The following CTNNA2 variants were observed in gnomAD, a reference collection of about 807,000 sequenced individuals.
The protein encoded by CTNNA2 is catenin alpha-2.
Under a neutral mutation model 101.0 loss-of-function variants are expected in CTNNA2, and 42 were observed. That is an observed-to-expected ratio of 0.42 (90% CI 0.32 to 0.54). The LOEUF (loss-of-function observed/expected upper bound fraction) is 0.54, where lower values mean the gene tolerates loss of function less well. CTNNA2 is among the 20% of genes least tolerant of loss of function. The pLI, the probability that CTNNA2 is intolerant of heterozygous loss-of-function variation, is 0.14. For missense variants in CTNNA2, 871 were observed against 1,223.1 expected (o/e 0.71, Z 4.29); for synonymous variants, 450 against 456.4 (o/e 0.99, Z 0.18).
At chr2:79,966,429 T>A (rs1690065688) in intron 7 of CTNNA2, among the ~76,000 whole-genome samples, 1 of 152,102 alleles carries the variant, frequency 6.6e-6, no homozygotes, top group Admixed American at 6.5e-5. Flanking sequence ...AGAGATAAAG[T>A]CTTTCTATGT....
chr2:79,801,911 G>T (rs2105300718), intron 3 of CTNNA2, among the ~76,000 whole-genome samples: 1 of 144,760 alleles, frequency 6.9e-6, no homozygotes, highest in Admixed American at 7.2e-5. Flanking sequence ...AGAATCGCTT[G>T]AACCCGGGAG....
At chr2:80,181,140 T>C (rs1705751564) in intron 7 of CTNNA2, among the ~76,000 whole-genome samples, 1 of 152,166 alleles carries the variant, frequency 6.6e-6, no homozygotes, top group East Asian at 1.9e-4. Flanking sequence ...TTGCCAGGAC[T>C]TTAGTTATAG....
At chr2:79,187,071 T>G (rs1379914446) in intron 1 of CTNNA2, among the ~76,000 whole-genome samples, 2 of 152,178 alleles carry the variant, frequency 1.3e-5, no homozygotes, top group East Asian at 3.9e-4. Flanking sequence ...AGCTGATTAT[T>G]GAAAATAATG....
chr2:79,780,631 C>G (rs2136967), intron 3 of CTNNA2, among the ~76,000 whole-genome samples: 10,312 of 152,228 alleles, frequency 0.068, 624 homozygotes, highest in South Asian at 0.2. Flanking sequence ...TGCCCGATCT[C>G]CTCTAATCCC....
intron 1 of CTNNA2, among the ~76,000 whole-genome samples, chr2:79,187,260 CT>C (rs1318902739): frequency 1.0e-5 from 1 of 99,902 alleles, no homozygotes; most frequent in Non-Finnish European, 1.9e-5. Flanking sequence ...CTTTTCTTTT[CT>C]TTTCTTTTCT....
At chr2:79,446,975 C>T (rs1284424467) in intron 4 of CTNNA2, among the ~76,000 whole-genome samples, 4 of 151,658 alleles carry the variant, frequency 2.6e-5, no homozygotes, top group African/African-American at 9.7e-5. Context: ...TCTTTTGTCT[C>T]TGTAATGGCT....
At chr2:80,278,181 G>A (rs1030457691) in intron 7 of CTNNA2, among the ~76,000 whole-genome samples, 1 of 152,088 alleles carries the variant, frequency 6.6e-6, no homozygotes, top group Non-Finnish European at 1.5e-5. Flanking sequence ...AAGTAATGTA[G>A]GCAAAGCACT....
At chr2:79,695,166 G>A (rs1198109440) in intron 2 of CTNNA2, among the ~76,000 whole-genome samples, 1 of 151,734 alleles carries the variant, frequency 6.6e-6, no homozygotes, top group Non-Finnish European at 1.5e-5. Context: ...ATGTTTGGAA[G>A]GTCATGGATT....
chr2:80,038,589 C>T lies in CTNNA2; in HGVS notation c.1056+128792C>T, dbSNP rs188991216. Among the ~76,000 whole-genome samples, 211 of 152,130 alleles carry T rather than the reference C, an allele frequency of 1.4e-3. 5 individuals carry two copies. Among genetic ancestry groups the T allele is most frequent in the African/African-American group, 4.7e-3 (196 of 41,504 alleles). The stretch of plus-strand genomic sequence containing the variant: ...TACAAAAATTAGCCAGGCACGGTGG[C>T]GGGCACCTGTAATCCCAGCACTTTG... On this transcript the variant is annotated intron_variant, in intron 7 of 18. Transcript: ENST00000402739.
intron 4 of CTNNA2, among the ~76,000 whole-genome samples, chr2:79,427,455 TTTA>T (rs1678604867): frequency 6.6e-6 from 1 of 152,066 alleles, no homozygotes. Flanking sequence ...TTTAATAAGC[TTTA>T]TTAACTTCTG....
chr2:79,422,043 C>G (rs1184921135), intron 4 of CTNNA2, among the ~76,000 whole-genome samples: 2 of 152,096 alleles, frequency 1.3e-5, no homozygotes, highest in African/African-American at 4.8e-5. Context: ...ATCCCAGTTA[C>G]TTGGGAGGCT....
intron 2 of CTNNA2, among the ~76,000 whole-genome samples, chr2:79,222,933 G>A (rs535363579): frequency 6.6e-6 from 1 of 151,964 alleles, no homozygotes; most frequent in Non-Finnish European, 1.5e-5. Flanking sequence ...GAATTGCTGA[G>A]TCCAGTGTTT....
chr2:80,452,199 T>C (rs940411735), intron 9 of CTNNA2, among the ~76,000 whole-genome samples: 11 of 146,980 alleles, frequency 7.5e-5, no homozygotes, highest in Non-Finnish European at 1.2e-4. Flanking sequence ...TAGTACATAA[T>C]GCAATCAGGA....
At chr2:79,504,439 G>A (rs1390441035) in intron 4 of CTNNA2, among the ~76,000 whole-genome samples, 4 of 152,022 alleles carry the variant, frequency 2.6e-5, no homozygotes, top group African/African-American at 4.8e-5. Flanking sequence ...ACAGGCACAT[G>A]CTACCACACA....
chr2:80,324,569 T>G (rs145902035), intron 7 of CTNNA2, among the ~76,000 whole-genome samples: 1,798 of 152,330 alleles, frequency 0.012, 20 homozygotes, highest in Non-Finnish European at 0.02. Context: ...GAGAAATGTT[T>G]AAAAGGTGAG....
intron 2 of CTNNA2, among the ~76,000 whole-genome samples, chr2:79,291,648 G>A (rs1420382874): frequency 6.6e-6 from 1 of 152,136 alleles, no homozygotes; most frequent in Non-Finnish European, 1.5e-5. Flanking sequence ...ACTGGTCCCT[G>A]TCTTTTGTCC....
chr2:79,590,579 A>C (rs1478752614), intron 1 of CTNNA2, among the ~76,000 whole-genome samples: 2 of 152,206 alleles, frequency 1.3e-5, no homozygotes, highest in African/African-American at 4.8e-5. Context: ...CCATAAGTAC[A>C]TATAGTCATA....
intron 7 of CTNNA2, among the ~76,000 whole-genome samples, chr2:80,072,154 C>G (rs1337386671): frequency 1.3e-5 from 2 of 152,320 alleles, no homozygotes; most frequent in African/African-American, 4.8e-5. Flanking sequence ...ATCTCAATGT[C>G]TCCCAAATCT....
At chr2:80,047,696 G>T (rs939127616) in intron 7 of CTNNA2, among the ~76,000 whole-genome samples, 1 of 152,168 alleles carries the variant, frequency 6.6e-6, no homozygotes, top group Non-Finnish European at 1.5e-5. Context: ...AAAGGTCAAA[G>T]ATAAGCAGAT....
Sources: gnomAD v4.1 joint callset for allele counts (sites outside exome capture counted in the v4.1 genomes callset) on GRCh38, gnomAD v4.1.1 for gene constraint, MANE v1.5 for transcripts, NCBI Gene and HGNC (gene_info 2026-07-23, HGNC 2026-07-21) for gene names.